The following NIPBL variants were observed in gnomAD, a reference collection of about 807,000 sequenced individuals.
NIPBL encodes the protein NIPBL cohesin loading factor.
NIPBL carries 19 observed loss-of-function variants against 321.8 expected under a neutral mutation model. The observed-to-expected ratio is 0.06, with a 90% CI of 0.04 to 0.09. NIPBL has a LOEUF of 0.09. Ranked by LOEUF, NIPBL falls within the 10% of genes least tolerant of loss-of-function variation. The probability of loss-of-function intolerance (pLI) is 1.00; values close to 1 mark genes in which losing one functional copy is unlikely to be tolerated. For missense variants in NIPBL, 2,210 were observed against 3,327.0 expected (o/e 0.66, Z 8.26); for synonymous variants, 1,106 against 1,114.1 (o/e 0.99, Z 0.14).
At chr5:36,894,209 G>A (rs1490478035) in intron 1 of NIPBL, among the ~76,000 whole-genome samples, 1 of 152,046 alleles carries the variant, frequency 6.6e-6, no homozygotes, top group African/African-American at 2.4e-5. Flanking sequence ...TATTAGGAAG[G>A]AAGGTATTTG....
At chr5:36,979,918 A>T (rs1455798555) in intron 9 of NIPBL, among the ~76,000 whole-genome samples, 1 of 151,696 alleles carries the variant, frequency 6.6e-6, no homozygotes, top group Non-Finnish European at 1.5e-5. Context: ...TTTTTGCATG[A>T]CGTTAAATCT....
intron 29 of NIPBL, 68 bp from the exon 30 acceptor site, chr5:37,024,517 T>A (rs1164323333): frequency 7.4e-7 from 1 of 1,355,578 alleles, no homozygotes; most frequent in Admixed American, 1.8e-5. Flanking sequence ...TATGGATACT[T>A]ATTTTCTAAT....
At chr5:37,064,481 C>G (rs768606162) in intron 46 of NIPBL, 46 bp from the exon 47 acceptor site, 1 of 1,604,110 alleles carries the variant, frequency 6.2e-7, no homozygotes, top group South Asian at 1.1e-5. Context: ...CACTAAAATT[C>G]TTTTGTGTAA....
intron 1 of NIPBL, among the ~76,000 whole-genome samples, chr5:36,883,595 C>T (rs528979488): frequency 6.6e-6 from 1 of 151,876 alleles, no homozygotes; most frequent in African/African-American, 2.4e-5. Flanking sequence ...AAATATTAGT[C>T]TTTATGATTG....
At chr5:36,896,155 C>T (rs1746718588) in intron 1 of NIPBL, among the ~76,000 whole-genome samples, 1 of 152,190 alleles carries the variant, frequency 6.6e-6, no homozygotes, top group Non-Finnish European at 1.5e-5. Context: ...ACGTGTTTAT[C>T]CAATTTTCCA....
At chr5:36,943,852 GGAGA>G (rs376103470) in intron 1 of NIPBL, among the ~76,000 whole-genome samples, 1 of 152,094 alleles carries the variant, frequency 6.6e-6, no homozygotes, top group Non-Finnish European at 1.5e-5. Flanking sequence ...TATTCAAGGA[GGAGA>G]GAATGATCAA....
At chr5:36,948,347 G>A (rs1739915802) in intron 1 of NIPBL, among the ~76,000 whole-genome samples, 1 of 151,910 alleles carries the variant, frequency 6.6e-6, no homozygotes, top group Admixed American at 6.6e-5. Context: ...TGAATGAACT[G>A]TTATGTAACC....
intron 16 of NIPBL, among the ~76,000 whole-genome samples, chr5:37,005,833 GTCT>G (rs1003555849): frequency 7.2e-5 from 11 of 152,082 alleles, no homozygotes; most frequent in Admixed American, 2.0e-4. Context: ...TTTAAAAAAA[GTCT>G]TCATTAGTCT....
At chr5:36,931,785 GTTTT>G (rs70976266) in intron 1 of NIPBL, among the ~76,000 whole-genome samples, 2 of 138,532 alleles carry the variant, frequency 1.4e-5, no homozygotes, top group African/African-American at 2.6e-5. Flanking sequence ...TATGTCTCTG[GTTTT>G]TTTTTTTTTT....
chr5:36,889,915 G>GA (rs528508761), intron 1 of NIPBL, among the ~76,000 whole-genome samples: 89 of 143,972 alleles, frequency 6.2e-4, no homozygotes, highest in East Asian at 2.8e-3. Flanking sequence ...GAACCAATGT[G>GA]AAAAAAAAAA....
At chr5:37,008,830 A>G in intron 20 of NIPBL, 107 bp downstream of exon 20, 2 of 735,384 alleles carry the variant, frequency 2.7e-6, no homozygotes, top group Non-Finnish European at 4.9e-6. Context: ...ATAATTAAAA[A>G]CTAGGCAGTT....
chr5:37,017,296 GC>G, intron 24 of NIPBL, 134 bp downstream of exon 24: 2 of 814,582 alleles, frequency 2.5e-6, no homozygotes, highest in Non-Finnish European at 3.8e-6. Context: ...GCTTTTCAAA[GC>G]CCCAGTGAGA....
chr5:36,885,634 T>A, intron 1 of NIPBL: 1 of 540,790 alleles, frequency 1.8e-6, no homozygotes, highest in Non-Finnish European at 3.6e-6. Context: ...TTGCAAATAC[T>A]GTGGACAATG....
At position 36,924,249 on chromosome 5, in the gene NIPBL, C is replaced by A. The variant is rs72734690; in HGVS notation, c.-79-29369C>A. Among the ~76,000 whole-genome samples, 1,400 of 152,142 alleles carry A rather than the reference C, an allele frequency of 9.2e-3. 6 individuals are homozygous for A. The highest frequency in any genetic ancestry group is 0.016 in the Non-Finnish European group (1,055 of 68,002). On this transcript the variant is annotated intron_variant, in intron 1 of 46. Transcript: ENST00000282516. ...ATTATTGAAATAAATTTAAATATAACTGTTTAATAAATTATTAATTATGGA... is the reference window on the plus strand; with the variant it reads ...ATTATTGAAATAAATTTAAATATAAATGTTTAATAAATTATTAATTATGGA...
intron 10 of NIPBL, among the ~76,000 whole-genome samples, chr5:36,987,525 G>C (rs1235395246): frequency 6.6e-6 from 1 of 152,172 alleles, no homozygotes; most frequent in East Asian, 1.9e-4. Flanking sequence ...TGCTGTTGTA[G>C]CTTGTCTACC....
intron 1 of NIPBL, among the ~76,000 whole-genome samples, chr5:36,950,447 A>G (rs371067861): frequency 6.6e-6 from 1 of 152,108 alleles, no homozygotes; most frequent in East Asian, 1.9e-4. Flanking sequence ...CATTTTTTCA[A>G]ATCAGCAACT....
At chr5:37,039,440 A>G (rs1052682822) in intron 34 of NIPBL, among the ~76,000 whole-genome samples, 1 of 151,990 alleles carries the variant, frequency 6.6e-6, no homozygotes, top group African/African-American at 2.4e-5. Flanking sequence ...ACATTGCTTA[A>G]GTAAAATTAT....
intron 46 of NIPBL, 66 bp from the exon 47 acceptor site, chr5:37,064,461 A>G (rs1755187303): frequency 1.9e-6 from 3 of 1,599,768 alleles, no homozygotes; most frequent in Non-Finnish European, 2.5e-6. Flanking sequence ...AGCAATAAAA[A>G]CAATAATTTC....
intron 15 of NIPBL, 133 bp from the exon 16 acceptor site, chr5:37,003,128 A>G: frequency 6.9e-6 from 4 of 582,786 alleles, no homozygotes; most frequent in Admixed American, 3.1e-5. Context: ...TAAGTGGGAA[A>G]GTTTTCTTAC....
Sources: gnomAD v4.1 joint callset for allele counts (sites outside exome capture counted in the v4.1 genomes callset) on GRCh38, gnomAD v4.1.1 for gene constraint, MANE v1.5 for transcripts, NCBI Gene and HGNC (gene_info 2026-07-23, HGNC 2026-07-21) for gene names.